The following NPAS3 variants were observed in gnomAD, a reference collection of about 807,000 sequenced individuals.
The protein encoded by NPAS3 is neuronal PAS domain-containing protein 3.
NPAS3 carries 14 observed loss-of-function variants against 73.1 expected under a neutral mutation model. The observed-to-expected ratio is 0.19, with a 90% CI of 0.13 to 0.30. The LOEUF is 0.30. Among genes scored for constraint, NPAS3 ranks in the 10% least tolerant of loss-of-function variants. The probability of loss-of-function intolerance (pLI) is 1.00; values close to 1 mark genes in which losing one functional copy is unlikely to be tolerated. For missense variants in NPAS3, 1,096 were observed against 1,250.0 expected, an observed-to-expected ratio of 0.88 and a Z score of 1.86; for synonymous variants, 620 against 541.5, an observed-to-expected ratio of 1.14 and a Z score of -2.01.
At chr14:33,472,012 A>G (rs1007656357) in intron 4 of NPAS3, among the ~76,000 whole-genome samples, 1 of 152,226 alleles carries the variant, frequency 6.6e-6, no homozygotes, top group African/African-American at 2.4e-5. Flanking sequence ...ATGGCTGATG[A>G]TCTGTCACTG....
At chr14:33,648,910 C>A (rs1237596754) in intron 5 of NPAS3, among the ~76,000 whole-genome samples, 1 of 152,106 alleles carries the variant, frequency 6.6e-6, no homozygotes. Flanking sequence ...CTTGTGCTGC[C>A]CCCCAGAATT....
rs765723722 is a variant in NPAS3, at chr14:33,741,693, TTACCAACTAGAG to T, written c.852+6362_852+6373del. On this transcript the variant is annotated intron_variant, in intron 7 of 11. Transcript: ENST00000356141. ...TGCTGGGACTAATCAGCTAGCTATT[TTACCAACTAGAG>T]GCATAATCACTAGCCATTCTGGGAA... Among the ~76,000 whole-genome samples the T allele has an allele frequency of 1.3e-3, 205 of 152,260 alleles. 2 individuals carry two copies. The highest frequency in any genetic ancestry group is 8.8e-4 in the Non-Finnish European group (60 of 68,022).
chr14:33,599,163 T>C (rs1433918417), intron 5 of NPAS3, among the ~76,000 whole-genome samples: 1 of 152,204 alleles, frequency 6.6e-6, no homozygotes, highest in African/African-American at 2.4e-5. Context: ...CTGTCTGTTA[T>C]GTTTATGTGT....
At chr14:33,718,065 G>T (rs902494534) in intron 6 of NPAS3, among the ~76,000 whole-genome samples, 1 of 151,920 alleles carries the variant, frequency 6.6e-6, no homozygotes, top group Non-Finnish European at 1.5e-5. Context: ...GCAGGCCTGG[G>T]GAAAACACAG....
At chr14:33,266,196 A>G (rs929417098) in intron 3 of NPAS3, among the ~76,000 whole-genome samples, 1 of 152,118 alleles carries the variant, frequency 6.6e-6, no homozygotes, top group Non-Finnish European at 1.5e-5. Flanking sequence ...GGCTAAAACA[A>G]TGTAAAGGAT....
intron 4 of NPAS3, among the ~76,000 whole-genome samples, chr14:33,495,354 CCATT>C: frequency 6.6e-6 from 1 of 152,106 alleles, no homozygotes; most frequent in Non-Finnish European, 1.5e-5. Flanking sequence ...GTTATGATTT[CCATT>C]CATTTGCGTT....
At chr14:33,775,686 C>T (rs1488471259) in intron 8 of NPAS3, among the ~76,000 whole-genome samples, 1 of 152,184 alleles carries the variant, frequency 6.6e-6, no homozygotes, top group East Asian at 1.9e-4. Context: ...TGATAAGAAA[C>T]TCTGAATCTG....
At chr14:33,753,793 C>T (rs2062033977) in intron 7 of NPAS3, among the ~76,000 whole-genome samples, 1 of 152,096 alleles carries the variant, frequency 6.6e-6, no homozygotes, top group South Asian at 2.1e-4. Context: ...AATTTGTTCC[C>T]TCTCATTTTT....
At chr14:33,312,278 T>A (rs914130081) in intron 3 of NPAS3, among the ~76,000 whole-genome samples, 11 of 152,136 alleles carry the variant, frequency 7.2e-5, no homozygotes, top group African/African-American at 2.7e-4. Context: ...CTTCGAGTTA[T>A]CTTTAGACTT....
At chr14:33,176,575 T>C (rs577348252) in intron 2 of NPAS3, among the ~76,000 whole-genome samples, 3 of 152,358 alleles carry the variant, frequency 2.0e-5, no homozygotes, top group African/African-American at 7.2e-5. Flanking sequence ...GGCTGAATAA[T>C]ATTCTACTGT....
chr14:32,998,511 TA>T, intron 1 of NPAS3, among the ~76,000 whole-genome samples: 1 of 152,322 alleles, frequency 6.6e-6, no homozygotes, highest in East Asian at 1.9e-4. Context: ...TTAAAATGAT[TA>T]ATGTTGTATC....
At chr14:33,740,806 T>G (rs747596674) in intron 7 of NPAS3, among the ~76,000 whole-genome samples, 1 of 152,218 alleles carries the variant, frequency 6.6e-6, no homozygotes, top group Non-Finnish European at 1.5e-5. Context: ...GATCACAATT[T>G]TTTGTTAAAA....
intron 2 of NPAS3, among the ~76,000 whole-genome samples, chr14:33,150,526 C>T (rs1250143119): frequency 6.6e-6 from 1 of 152,174 alleles, no homozygotes; most frequent in Non-Finnish European, 1.5e-5. Context: ...TTCTACTGCT[C>T]CAAATAGTTT....
At chr14:33,671,141 C>T (rs144574788) in intron 5 of NPAS3, among the ~76,000 whole-genome samples, 2 of 152,222 alleles carry the variant, frequency 1.3e-5, no homozygotes, top group Admixed American at 6.5e-5. Context: ...AAGATCACTG[C>T]CTACTCCTCA....
intron 4 of NPAS3, among the ~76,000 whole-genome samples, chr14:33,519,521 T>C (rs2053463118): frequency 6.6e-6 from 1 of 152,140 alleles, no homozygotes; most frequent in Non-Finnish European, 1.5e-5. Context: ...CAGAGCCATC[T>C]GGGTGCCAAA....
intron 1 of NPAS3, among the ~76,000 whole-genome samples, chr14:32,992,161 G>T (rs1415136301): frequency 6.6e-6 from 1 of 152,148 alleles, no homozygotes; most frequent in African/African-American, 2.4e-5. Context: ...ACTCCTAAAA[G>T]TCTGTTAACC....
intron 5 of NPAS3, among the ~76,000 whole-genome samples, chr14:33,597,961 A>G (rs983969239): frequency 1.9e-4 from 29 of 152,350 alleles, no homozygotes; most frequent in African/African-American, 6.7e-4. Context: ...TGCTTCCTCC[A>G]AAGTTGCTAA....
At chr14:33,134,180 C>T (rs1354568285) in intron 2 of NPAS3, among the ~76,000 whole-genome samples, 1 of 151,394 alleles carries the variant, frequency 6.6e-6, no homozygotes, top group Non-Finnish European at 1.5e-5. Context: ...GGGTGATTTT[C>T]TTCTTGGGAA....
intron 7 of NPAS3, among the ~76,000 whole-genome samples, chr14:33,772,722 T>C (rs1393365291): frequency 6.6e-6 from 1 of 152,216 alleles, no homozygotes; most frequent in African/African-American, 2.4e-5. Context: ...ATTTCTCTAT[T>C]AGTTAATGAG....
Sources: gnomAD v4.1 joint callset for allele counts (sites outside exome capture counted in the v4.1 genomes callset) on GRCh38, gnomAD v4.1.1 for gene constraint, MANE v1.5 for transcripts, NCBI Gene and HGNC (gene_info 2026-07-23, HGNC 2026-07-21) for gene names.